The following ZNF254 variants were observed in gnomAD, a reference collection of about 807,000 sequenced individuals.
ZNF254 encodes the protein zinc finger protein 254.
ZNF254 carries 10 observed loss-of-function variants against 12.4 expected under a neutral mutation model. The observed-to-expected ratio is 0.80, with a 90% CI of 0.50 to 1.36. The LOEUF (loss-of-function observed/expected upper bound fraction) is 1.36. Ranked by LOEUF, ZNF254 falls within the 40% of genes most tolerant of loss-of-function variation. The pLI is 0.00. For missense variants in ZNF254, 996 were observed against 763.9 expected (o/e 1.30, Z -3.58); for synonymous variants, 305 against 253.4 (o/e 1.20, Z -1.93).
chr19:24,113,422 CAA>C (rs1295743558), intron 3 of ZNF254, among the ~76,000 whole-genome samples: 2 of 151,920 alleles, frequency 1.3e-5, no homozygotes, highest in African/African-American at 4.8e-5. Context: ...TAAACAGAAC[CAA>C]AGACAAAAAC....
At chr19:24,057,663 T>C (rs1970911801) in intron 2 of ZNF254, among the ~76,000 whole-genome samples, 1 of 152,222 alleles carries the variant, frequency 6.6e-6, no homozygotes, top group Non-Finnish European at 1.5e-5. Flanking sequence ...CCAGAGACAG[T>C]TGCAAGTTGG....
intron 1 of ZNF254, among the ~76,000 whole-genome samples, chr19:24,039,433 TA>T (rs1158277558): frequency 5.3e-5 from 8 of 152,216 alleles, no homozygotes; most frequent in Admixed American, 5.2e-4. Context: ...TTTATTTGTT[TA>T]TTTTTTTATG....
At chr19:24,066,937 G>A (rs1335511114) in intron 2 of ZNF254, 13 of 151,916 alleles carry the variant, frequency 8.6e-5, no homozygotes, top group Admixed American at 7.2e-4. Flanking sequence ...AAATACAAAT[G>A]TCTTTGCACC....
chr19:24,123,279 A>G (rs1974610068), intron 3 of ZNF254, among the ~76,000 whole-genome samples: 1 of 152,212 alleles, frequency 6.6e-6, no homozygotes, highest in Non-Finnish European at 1.5e-5. Context: ...AGTAGTTCAT[A>G]GAAGTTTACT....
In ZNF254 at chr19:24,059,080, G is replaced by A. The variant is rs368389317; in HGVS notation, c.-94+12801G>A. ...CCGCTGGGCCCAACAGCATAATGAC[G>A]TTATTCTTTTGCCTTGGGCCTGCCC... On this transcript the variant is annotated intron_variant, in intron 2 of 4. Transcript: ENST00000613065. Among the ~76,000 whole-genome samples, 61 of 152,320 alleles carry A rather than the reference G, an allele frequency of 4.0e-4. No homozygotes were observed. The South Asian group carries it at 7.7e-3, about 19-fold the overall frequency.
intron 2 of ZNF254, among the ~76,000 whole-genome samples, chr19:24,056,568 A>T (rs1030956068): frequency 1.3e-5 from 2 of 152,160 alleles, no homozygotes; most frequent in East Asian, 3.9e-4. Flanking sequence ...ACATGGTGAC[A>T]TGAGTCTCCT....
intron 1 of ZNF254, chr19:24,104,283 G>A (rs1973205034): frequency 6.6e-6 from 1 of 152,188 alleles, no homozygotes; most frequent in Non-Finnish European, 1.5e-5. Context: ...AATGGGTAGA[G>A]TTTTTGTGTC....
intron 1 of ZNF254, among the ~76,000 whole-genome samples, chr19:24,101,035 C>T (rs1258311069): frequency 6.6e-6 from 1 of 152,144 alleles, no homozygotes; most frequent in African/African-American, 2.4e-5. Context: ...TCATGTTGGT[C>T]AGGCTGGTCT....
At chr19:24,082,809 A>G (rs1157773924), upstream of ZNF254, among the ~76,000 whole-genome samples, 1 of 151,736 alleles carries the variant, frequency 6.6e-6, no homozygotes, top group Non-Finnish European at 1.5e-5. Flanking sequence ...CTCAGAATCA[A>G]TCTCTTCAAT....
chr19:24,081,001 C>T (rs1476690527), intron 2 of ZNF254, among the ~76,000 whole-genome samples: 1 of 145,330 alleles, frequency 6.9e-6, no homozygotes, highest in African/African-American at 2.6e-5. Flanking sequence ...CACATAAACC[C>T]GGGAGGCCGA....
intron 1 of ZNF254, 145 bp downstream of exon 1, chr19:24,087,482 TG>T: frequency 9.5e-7 from 1 of 1,056,478 alleles, no homozygotes; most frequent in Non-Finnish European, 1.4e-6. Context: ...AGAAATAAGA[TG>T]GCGGCTGCGC....
At chr19:24,064,533 T>C (rs1971197975) in intron 2 of ZNF254, 1 of 152,216 alleles carries the variant, frequency 6.6e-6, no homozygotes, top group Non-Finnish European at 1.5e-5. Flanking sequence ...TTGTGTTTTT[T>C]GTTTGTTTTT....
intron 1 of ZNF254, among the ~76,000 whole-genome samples, chr19:24,042,513 T>C (rs1970215446): frequency 1.3e-5 from 2 of 152,138 alleles, no homozygotes; most frequent in South Asian, 4.2e-4. Context: ...CGTGAAGATC[T>C]GCAGCTTCAC....
chr19:24,073,150 T>G (rs1186044183), intron 2 of ZNF254, among the ~76,000 whole-genome samples: 2 of 152,228 alleles, frequency 1.3e-5, no homozygotes, highest in African/African-American at 4.8e-5. Context: ...CAGGTGAGAC[T>G]GTGTTTCTCA....
intron 1 of ZNF254, among the ~76,000 whole-genome samples, chr19:24,039,694 C>G (rs578238903): frequency 2.0e-5 from 3 of 152,216 alleles, no homozygotes; most frequent in African/African-American, 7.2e-5. Context: ...GTCATGGACT[C>G]TACTATTCAG....
At chr19:24,112,368 T>C (rs1025151747) in intron 3 of ZNF254, among the ~76,000 whole-genome samples, 6 of 144,870 alleles carry the variant, frequency 4.1e-5, no homozygotes, top group African/African-American at 1.5e-4. Context: ...TAGTATAGTT[T>C]GAAGTCAGGT....
chr19:24,102,849 CCTT>C (rs1343507141), intron 1 of ZNF254, among the ~76,000 whole-genome samples: 7 of 152,136 alleles, frequency 4.6e-5, no homozygotes, highest in Non-Finnish European at 7.3e-5. Flanking sequence ...CTATCTGTGT[CCTT>C]CTCATCTGTC....
rs1289447980 is a variant in ZNF254 at position 24,129,221 on chromosome 19, T to C, written c.*1241T>C. 1 of 152,070 alleles carries C rather than the reference T, an allele frequency of 6.6e-6. No individual in the cohort carries two copies. Among genetic ancestry groups the C allele is most frequent in the African/African-American group, 2.4e-5 (1 of 41,458 alleles). 9.4% of individuals were successfully genotyped at this position (152,070 alleles called of 1,614,324 possible). ...AAAGCATTCTTAATTTTAGTTAAAATTAAGTTAGTCATATGTTATTTTATT... is the reference window on the plus strand; with the variant it reads ...AAAGCATTCTTAATTTTAGTTAAAACTAAGTTAGTCATATGTTATTTTATT... On this transcript the variant is annotated 3_prime_UTR_variant, in exon 4 of 4. Coordinates refer to ENST00000357002, the MANE Select transcript of ZNF254 (RefSeq NM_203282.4).
intron 3 of ZNF254, among the ~76,000 whole-genome samples, chr19:24,118,057 CT>C (rs1383003980): frequency 2.0e-3 from 290 of 141,818 alleles, no homozygotes; most frequent in Non-Finnish European, 2.3e-3. Flanking sequence ...TTTTTCTTTT[CT>C]TTTTTTTTTT....
Sources: allele counts gnomAD v4.1 joint callset (sites outside exome capture counted in the v4.1 genomes callset), GRCh38; gene constraint gnomAD v4.1.1; transcripts MANE v1.5; gene names NCBI Gene and HGNC (gene_info 2026-07-23, HGNC 2026-07-21).